Variants in WWOX observed in about 807,000 individuals in gnomAD.
WWOX encodes WW domain containing oxidoreductase, also known as WW domain-containing oxidoreductase.
In WWOX, 69 loss-of-function variants were observed where a neutral mutation model predicts 46.2. That is an observed-to-expected ratio of 1.49 (90% confidence interval 1.23 to 1.82). WWOX has a LOEUF of 1.82. Ranked by LOEUF, WWOX falls within the 40% of genes most tolerant of loss-of-function variation. The pLI, the probability that WWOX is intolerant of heterozygous loss-of-function variation, is 0.00. For synonymous variants in WWOX, 359 were observed against 202.6 expected (o/e 1.77, Z -6.56); for missense variants, 919 against 542.6 (o/e 1.69, Z -6.89).
chr16:78,161,519 T>C (rs906964386), intron 4 of WWOX, among the ~76,000 whole-genome samples: 3 of 152,150 alleles, frequency 2.0e-5, no homozygotes, highest in Non-Finnish European at 2.9e-5. Flanking sequence ...TAATCATAGC[T>C]GACTGTGCCC....
chr16:79,206,072 AT>A (rs1466870287), intron 8 of WWOX: 2 of 152,144 alleles, frequency 1.3e-5, no homozygotes, highest in East Asian at 3.9e-4. Context: ...CTGAGTCTTC[AT>A]TTTTGTTCAT....
chr16:79,210,237 AAAC>A (rs2051677409), intron 8 of WWOX, among the ~76,000 whole-genome samples: 2 of 152,220 alleles, frequency 1.3e-5, no homozygotes, highest in African/African-American at 2.4e-5. Context: ...AGCTAAAACC[AAAC>A]AACAATGACA....
intron 8 of WWOX, among the ~76,000 whole-genome samples, chr16:79,024,468 CT>C (rs2047596996): frequency 6.6e-6 from 1 of 152,022 alleles, no homozygotes; most frequent in African/African-American, 2.4e-5. Context: ...GAGTTTTGCT[CT>C]GTTGCCCAGG....
chr16:78,833,836 G>C (rs929490141), intron 8 of WWOX, among the ~76,000 whole-genome samples: 2 of 152,230 alleles, frequency 1.3e-5, no homozygotes, highest in African/African-American at 4.8e-5. Flanking sequence ...CAGGCTTCCA[G>C]CCAAGGTTTG....
At chr16:79,017,795 G>T (rs1260947058) in intron 8 of WWOX, among the ~76,000 whole-genome samples, 1 of 151,478 alleles carries the variant, frequency 6.6e-6, no homozygotes, top group East Asian at 1.9e-4. Context: ...CCCATTATTT[G>T]CATAACAAAT....
intron 8 of WWOX, among the ~76,000 whole-genome samples, chr16:78,513,642 C>G (rs571540716): frequency 6.6e-6 from 1 of 152,254 alleles, no homozygotes; most frequent in African/African-American, 2.4e-5. Context: ...CCCACTGATA[C>G]TTACAAATAT....
rs562106844 is a variant in WWOX, at chr16:78,220,542, T to A, written c.516+56253T>A. 2.0e-5 allele frequency among the ~76,000 whole-genome samples: 3 copies of A among 152,322 alleles called. No individual in the cohort carries two copies. The South Asian group carries it at 6.2e-4, about 32-fold the overall frequency. ...TGAAAATCAAAGCTTTCTGTTCAGTTTAACCATCTTTTAAAACCCAGTGGT... is the reference window on the plus strand; with the variant it reads ...TGAAAATCAAAGCTTTCTGTTCAGTATAACCATCTTTTAAAACCCAGTGGT... On this transcript the variant is annotated intron_variant, in intron 5 of 8. Transcript: ENST00000566780.
chr16:78,319,568 C>T (rs2080423423), intron 5 of WWOX, among the ~76,000 whole-genome samples: 2 of 152,098 alleles, frequency 1.3e-5, no homozygotes, highest in African/African-American at 4.8e-5. Flanking sequence ...ATCTTAGCCC[C>T]TTCAGATCCC....
intron 4 of WWOX, among the ~76,000 whole-genome samples, chr16:78,155,678 T>A (rs2034574074): frequency 6.6e-6 from 1 of 152,260 alleles, no homozygotes; most frequent in Non-Finnish European, 1.5e-5. Flanking sequence ...TTAAACATTG[T>A]CATAAAGTTA....
chr16:78,992,100 A>C (rs1375966522), intron 8 of WWOX, among the ~76,000 whole-genome samples: 1 of 152,164 alleles, frequency 6.6e-6, no homozygotes, highest in East Asian at 1.9e-4. Flanking sequence ...GTGATGTGCT[A>C]GTTACTAAAG....
At chr16:79,065,851 ATGC>A (rs58766718) in intron 8 of WWOX, among the ~76,000 whole-genome samples, 26,404 of 152,132 alleles carry the variant, frequency 0.17, 3,168 homozygotes, top group African/African-American at 0.35. Context: ...GGAGTCAGCT[ATGC>A]TGTCATATTC....
At chr16:78,457,659 A>G (rs1315833442) in intron 8 of WWOX, among the ~76,000 whole-genome samples, 1 of 152,104 alleles carries the variant, frequency 6.6e-6, no homozygotes, top group Non-Finnish European at 1.5e-5. Context: ...CATGCCTGTA[A>G]TCCCAGCACT....
chr16:78,709,858 A>C (rs2048402272), intron 8 of WWOX, among the ~76,000 whole-genome samples: 1 of 151,596 alleles, frequency 6.6e-6, no homozygotes, highest in South Asian at 2.1e-4. Context: ...CCTCCCGAGT[A>C]ACTGGGATTA....
At chr16:78,148,323 T>C (rs544833711) in intron 4 of WWOX, among the ~76,000 whole-genome samples, 15 of 152,268 alleles carry the variant, frequency 9.9e-5, no homozygotes, top group African/African-American at 3.1e-4. Flanking sequence ...TGCCTGTGTG[T>C]GTCATTGGTT....
At chr16:78,467,128 G>C (rs1239135231) in intron 8 of WWOX, among the ~76,000 whole-genome samples, 1 of 152,094 alleles carries the variant, frequency 6.6e-6, no homozygotes, top group Non-Finnish European at 1.5e-5. Flanking sequence ...CTTTGATCTT[G>C]TCATGAATTT....
At position 78,526,827 on chromosome 16, in the gene WWOX, G is replaced by A. The variant is rs558404391; in HGVS notation, c.1056+94075G>A. On this transcript the variant is annotated intron_variant, in intron 8 of 8. Transcript: ENST00000566780. ...GAGGGTGGCAGTGATCTTGAGGGGG[G>A]TCTGGGAGGGAGGAGCCAGCCTGGC... is the stretch of plus-strand genomic sequence containing the variant. 9.8e-5 allele frequency among the ~76,000 whole-genome samples: 15 copies of A among 152,288 alleles called. No individual in the cohort carries two copies. The East Asian group carries it at 1.2e-3, about 12-fold the overall frequency.
chr16:78,626,742 A>C (rs1029725500), intron 8 of WWOX, among the ~76,000 whole-genome samples: 1 of 152,196 alleles, frequency 6.6e-6, no homozygotes, highest in African/African-American at 2.4e-5. Flanking sequence ...GAGTATCTGC[A>C]TAAACTACTT....
intron 8 of WWOX, among the ~76,000 whole-genome samples, chr16:78,959,510 C>T (rs890024852): frequency 6.6e-6 from 1 of 152,174 alleles, no homozygotes; most frequent in Admixed American, 6.5e-5. Context: ...CATCTATTCA[C>T]TCATGCATTC....
chr16:78,757,001 C>G (rs755736786), intron 8 of WWOX: 1 of 702,706 alleles, frequency 1.4e-6, no homozygotes, highest in Admixed American at 2.0e-5. Context: ...AACTGAGCCT[C>G]CTGCCAACAG....
Sources: gnomAD v4.1 joint callset for allele counts (sites outside exome capture counted in the v4.1 genomes callset) on GRCh38, gnomAD v4.1.1 for gene constraint, MANE v1.5 for transcripts, NCBI Gene and HGNC (gene_info 2026-07-23, HGNC 2026-07-21) for gene names.